Variants in RALGAPA2 observed in about 807,000 individuals in gnomAD.
The protein encoded by RALGAPA2 is ral GTPase-activating protein subunit alpha-2.
RALGAPA2 carries 139 observed loss-of-function variants against 230.4 expected under a neutral mutation model. That is an observed-to-expected ratio of 0.60 (90% CI 0.53 to 0.69). The LOEUF is 0.69. Among genes scored for constraint, RALGAPA2 ranks in the 30% least tolerant of loss-of-function variants. The pLI, the probability that RALGAPA2 is intolerant of heterozygous loss-of-function variation, is 0.00. For missense variants in RALGAPA2, 2,163 were observed against 2,276.0 expected, an observed-to-expected ratio of 0.95 and a Z score of 1.01; for synonymous variants, 847 against 837.8, an observed-to-expected ratio of 1.01 and a Z score of -0.19.
chr20:20,703,854 T>G (rs2069493504), intron 1 of RALGAPA2, among the ~76,000 whole-genome samples: 1 of 152,322 alleles, frequency 6.6e-6, no homozygotes, highest in Middle Eastern at 3.4e-3. Context: ...ACATGTTCAT[T>G]GAGTGGAAGG....
intron 35 of RALGAPA2, among the ~76,000 whole-genome samples, chr20:20,501,924 A>C (rs2062388775): frequency 6.6e-6 from 1 of 152,208 alleles, no homozygotes; most frequent in South Asian, 2.1e-4. Flanking sequence ...TGGGTGGAGC[A>C]GTCAGAACAC....
chr20:20,693,596 G>T (rs1457486988), intron 1 of RALGAPA2, among the ~76,000 whole-genome samples: 2 of 152,142 alleles, frequency 1.3e-5, no homozygotes, highest in African/African-American at 2.4e-5. Flanking sequence ...GTGATGAGGA[G>T]AGTGTTTACA....
intron 9 of RALGAPA2, among the ~76,000 whole-genome samples, chr20:20,633,414 C>T (rs1008870199): frequency 2.0e-5 from 3 of 151,780 alleles, no homozygotes; most frequent in Non-Finnish European, 4.4e-5. Context: ...GGATTACAGG[C>T]GAGAGCCACT....
intron 36 of RALGAPA2, among the ~76,000 whole-genome samples, chr20:20,485,086 ATT>A (rs1385050538): frequency 6.7e-6 from 1 of 148,614 alleles, no homozygotes; most frequent in African/African-American, 2.5e-5. Context: ...GTCATTAGCT[ATT>A]ATTAGTGTTA....
intron 10 of RALGAPA2, 81 bp from the exon 11 acceptor site, chr20:20,620,711 A>T: frequency 8.4e-7 from 1 of 1,194,496 alleles, no homozygotes; most frequent in Admixed American, 2.8e-5. Context: ...ATTCCCAATG[A>T]GCATCACCCA....
intron 18 of RALGAPA2, among the ~76,000 whole-genome samples, chr20:20,588,278 C>T (rs1030376688): frequency 1.3e-5 from 2 of 152,144 alleles, no homozygotes; most frequent in African/African-American, 4.8e-5. Context: ...TAGTGGAATA[C>T]CACATCACAG....
At chr20:20,590,571 T>A (rs920540438) in intron 17 of RALGAPA2, among the ~76,000 whole-genome samples, 2 of 152,238 alleles carry the variant, frequency 1.3e-5, no homozygotes, top group African/African-American at 4.8e-5. Context: ...AGCACACTCT[T>A]TCATTGAGAA....
chr20:20,419,783 A>G (rs2060239505), intron 37 of RALGAPA2, among the ~76,000 whole-genome samples: 1 of 152,198 alleles, frequency 6.6e-6, no homozygotes, highest in East Asian at 1.9e-4. Context: ...AGAGAACTGG[A>G]TCTCAAGTGG....
At chr20:20,553,337 A>G (rs1268803616) in intron 23 of RALGAPA2, among the ~76,000 whole-genome samples, 3 of 152,128 alleles carry the variant, frequency 2.0e-5, no homozygotes, top group South Asian at 2.1e-4. Context: ...GGATCACTTG[A>G]GCCCAGGAGT....
intron 36 of RALGAPA2, among the ~76,000 whole-genome samples, chr20:20,474,472 T>C (rs2061607157): frequency 6.6e-6 from 1 of 152,200 alleles, no homozygotes; most frequent in Non-Finnish European, 1.5e-5. Context: ...GCACCTGTGT[T>C]GACAAAACTG....
In RALGAPA2 at chr20:20,438,335, C is replaced by T. The variant is rs116095801; in HGVS notation, c.5496-26187G>A. On this transcript the variant is annotated intron_variant, in intron 37 of 39. Transcript: ENST00000202677. ...TATTTAATGCATGAATAAAGGCATTCCTATATTACTATATATGCATTTGCT... is the reference window on the plus strand; with the variant it reads ...TATTTAATGCATGAATAAAGGCATTTCTATATTACTATATATGCATTTGCT... Among the ~76,000 whole-genome samples the T allele has an allele frequency of 4.2e-3, 633 of 152,312 alleles. 3 individuals carry two copies. The highest frequency in any genetic ancestry group is 0.014 in the African/African-American group (599 of 41,558).
At chr20:20,440,529 G>T (rs183373164) in intron 37 of RALGAPA2, among the ~76,000 whole-genome samples, 91 of 152,252 alleles carry the variant, frequency 6.0e-4, no homozygotes, top group Middle Eastern at 3.4e-3. Flanking sequence ...TCCTAATTGC[G>T]CAGACAGCAT....
chr20:20,703,962 T>C (rs2069499338), intron 1 of RALGAPA2, among the ~76,000 whole-genome samples: 1 of 152,182 alleles, frequency 6.6e-6, no homozygotes. Context: ...CATTTTTCAG[T>C]CACTCCCTAA....
intron 31 of RALGAPA2, among the ~76,000 whole-genome samples, chr20:20,517,816 TAAA>T (rs200028814): frequency 7.7e-6 from 1 of 130,546 alleles, no homozygotes; most frequent in African/African-American, 2.8e-5. Context: ...AAAAAGAAAT[TAAA>T]AAAAAAAAAA....
At chr20:20,524,097 C>T (rs1336448042) in intron 30 of RALGAPA2, among the ~76,000 whole-genome samples, 1 of 152,112 alleles carries the variant, frequency 6.6e-6, no homozygotes, top group Non-Finnish European at 1.5e-5. Flanking sequence ...GCTGGGCCTA[C>T]AGGCACCCGC....
chr20:20,668,809 A>C (rs1237058277), intron 3 of RALGAPA2, among the ~76,000 whole-genome samples: 1 of 152,208 alleles, frequency 6.6e-6, no homozygotes, highest in East Asian at 1.9e-4. Flanking sequence ...TAAGAGGCAG[A>C]AGTGAAACTA....
chr20:20,597,495 C>T (rs528093449), intron 16 of RALGAPA2, among the ~76,000 whole-genome samples: 4 of 152,168 alleles, frequency 2.6e-5, no homozygotes, highest in South Asian at 2.1e-4. Flanking sequence ...CATCAGAGAA[C>T]GTAAGCTTTC....
intron 39 of RALGAPA2, among the ~76,000 whole-genome samples, chr20:20,395,673 C>A (rs770738207): frequency 1.3e-5 from 2 of 152,098 alleles, no homozygotes; most frequent in African/African-American, 2.4e-5. Context: ...TGGGCTTAAG[C>A]CTTGGGTGAG....
In RALGAPA2 at chr20:20,443,480, T is replaced by C. The variant is rs576504619; in HGVS notation, c.5495+29349A>G. ...TTCCCCTTGTATCTCTGGATCCCTC[T>C]TGAGCCTTGGCTGTCCCATACCAGG... On this transcript the variant is annotated intron_variant, in intron 37 of 39. Coordinates refer to ENST00000202677, the MANE Select transcript of RALGAPA2 (RefSeq NM_020343.4). Among the ~76,000 whole-genome samples, 3 of 152,352 alleles carry C rather than the reference T, an allele frequency of 2.0e-5. No homozygotes were observed. The East Asian group carries it at 5.8e-4, about 29-fold the overall frequency.
Sources: allele counts gnomAD v4.1 joint callset (sites outside exome capture counted in the v4.1 genomes callset), GRCh38; gene constraint gnomAD v4.1.1; transcripts MANE v1.5; gene names NCBI Gene and HGNC (gene_info 2026-07-23, HGNC 2026-07-21).